Variants in ZMAT5 observed in about 807,000 individuals in gnomAD.
ZMAT5 encodes the protein zinc finger matrin-type 5.
ZMAT5 carries 23 observed loss-of-function variants against 28.0 expected under a neutral mutation model. The ratio of observed to expected loss-of-function variants is 0.82; its 90% confidence interval spans 0.59 to 1.16. The LOEUF (loss-of-function observed/expected upper bound fraction) is 1.16, where lower values mean the gene tolerates loss of function less well. Ranked by LOEUF, ZMAT5 falls within the 50% of genes most tolerant of loss-of-function variation. The pLI, the probability that ZMAT5 is intolerant of heterozygous loss-of-function variation, is 0.00. For synonymous variants in ZMAT5, 76 were observed against 84.1 expected (o/e 0.90, Z 0.52); for missense variants, 173 against 212.7 (o/e 0.81, Z 1.16).
chr22:29,755,307 A>C (rs1252179294), intron 1 of ZMAT5, among the ~76,000 whole-genome samples: 1 of 137,716 alleles, frequency 7.3e-6, no homozygotes, highest in Non-Finnish European at 1.6e-5. Context: ...AAGAAGAAAG[A>C]AAGAAAGAAA....
chr22:29,738,227 G>T, intron 5 of ZMAT5, 103 bp downstream of exon 5: 1 of 1,155,524 alleles, frequency 8.7e-7, no homozygotes, highest in Non-Finnish European at 1.3e-6. Flanking sequence ...TCGGCCCCTG[G>T]GCCTGGGCAG....
intron 1 of ZMAT5, 129 bp from the exon 2 acceptor site, chr22:29,748,700 T>G: frequency 8.1e-7 from 1 of 1,235,726 alleles, no homozygotes; most frequent in South Asian, 1.5e-5. Flanking sequence ...CCATTAGGAG[T>G]GTCAAGCTGA....
At chr22:29,740,032 C>T (rs1481736683) in intron 4 of ZMAT5, among the ~76,000 whole-genome samples, 2 of 152,342 alleles carry the variant, frequency 1.3e-5, no homozygotes, top group South Asian at 2.1e-4. Context: ...GGGGGGCTCA[C>T]GCGAGGCCTT....
chr22:29,736,520 G>T (rs2067905665), intron 5 of ZMAT5, among the ~76,000 whole-genome samples: 1 of 151,170 alleles, frequency 6.6e-6, no homozygotes, highest in South Asian at 2.1e-4. Flanking sequence ...AGGAGTTCGA[G>T]ACCAGCCTGG....
chr22:29,759,244 G>A (rs1166592920), intron 1 of ZMAT5, among the ~76,000 whole-genome samples: 1 of 152,162 alleles, frequency 6.6e-6, no homozygotes, highest in African/African-American at 2.4e-5. Flanking sequence ...CTTGGACTCA[G>A]AACTGTCTCT....
chr22:29,756,032 G>C (rs1443038220), intron 1 of ZMAT5, among the ~76,000 whole-genome samples: 2 of 152,260 alleles, frequency 1.3e-5, no homozygotes, highest in African/African-American at 4.8e-5. Context: ...CTCAGGTACA[G>C]AAAGAGCTGG....
At chr22:29,744,939 A>G (rs1204537373) in intron 2 of ZMAT5, among the ~76,000 whole-genome samples, 4 of 152,110 alleles carry the variant, frequency 2.6e-5, no homozygotes, top group Non-Finnish European at 5.9e-5. Flanking sequence ...ATCTGATCCT[A>G]TTGGTCCTTC....
chr22:29,747,217 G>A (rs140123), intron 2 of ZMAT5: 70,897 of 152,040 alleles, frequency 0.47, 16,878 homozygotes, highest in East Asian at 0.6. Context: ...AGCAAATGAC[G>A]AACTATGAAA....
At chr22:29,741,155 G>A (rs2067958949) in intron 3 of ZMAT5, among the ~76,000 whole-genome samples, 2 of 152,194 alleles carry the variant, frequency 1.3e-5, no homozygotes, top group Non-Finnish European at 2.9e-5. Context: ...CTGCCTACCT[G>A]GCTCACGGGA....
rs766708114 is a variant in ZMAT5, at chr22:29,748,483, C to A, written c.62G>T (p.Arg21Leu). Residue 21 changes from arginine (R) to leucine (L), a missense_variant, in exon 2 of 6, where the codon CGC (arginine) becomes CTC (leucine). Coordinates refer to ENST00000344318, the MANE Select transcript of ZMAT5 (RefSeq NM_001003692.2). ...DRSFQDNLHN[R>L]KKHLNGLQHL... is the part of the protein sequence containing the mutation. ...CTGCAGCCCGTTCAGGTGCTTCTTG[C>A]GGTTGTGGAGGTTGTCCTGGAAGGA... The A allele has an allele frequency of 5.0e-6, 8 of 1,614,122 alleles. No homozygotes were observed. The highest frequency in any genetic ancestry group is 6.8e-6 in the Non-Finnish European group (8 of 1,180,048).
At chr22:29,757,308 G>A (rs1466710722) in intron 1 of ZMAT5, among the ~76,000 whole-genome samples, 1 of 151,520 alleles carries the variant, frequency 6.6e-6, no homozygotes, top group African/African-American at 2.4e-5. Flanking sequence ...AACAGAGAGG[G>A]TGAGAGCATG....
At chr22:29,758,462 G>A (rs1234272726) in intron 1 of ZMAT5, among the ~76,000 whole-genome samples, 1 of 151,824 alleles carries the variant, frequency 6.6e-6, no homozygotes, top group Non-Finnish European at 1.5e-5. Flanking sequence ...CAAACAGTTT[G>A]TTTTTTTTAA....
chr22:29,733,475 C>A (rs1051606539), intron 5 of ZMAT5, among the ~76,000 whole-genome samples: 3 of 152,224 alleles, frequency 2.0e-5, no homozygotes. Flanking sequence ...GCCTCCAGGA[C>A]CCCCAGGTGT....
intron 2 of ZMAT5, among the ~76,000 whole-genome samples, chr22:29,745,197 G>A (rs1311210149): frequency 6.6e-6 from 1 of 152,186 alleles, no homozygotes; most frequent in African/African-American, 2.4e-5. Context: ...CCCGTTCTAG[G>A]GGTCGGGGAG....
chr22:29,751,917 G>A (rs2068058482), intron 1 of ZMAT5, among the ~76,000 whole-genome samples: 1 of 151,950 alleles, frequency 6.6e-6, no homozygotes, highest in African/African-American at 2.4e-5. Context: ...AGTGAACTGA[G>A]ACTGAGCCAT....
chr22:29,751,548 G>A (rs1034036266), intron 1 of ZMAT5, among the ~76,000 whole-genome samples: 1 of 152,182 alleles, frequency 6.6e-6, no homozygotes, highest in African/African-American at 2.4e-5. Context: ...CAACCTGTGG[G>A]GGAGGGCCTG....
rs146967964 is a variant in ZMAT5 at position 29,745,960 on chromosome 22, T to C, written c.127+2458A>G. On this transcript the variant is annotated intron_variant, in intron 2 of 5. Coordinates refer to ENST00000344318, the MANE Select transcript of ZMAT5 (RefSeq NM_001003692.2). The stretch of plus-strand genomic sequence containing the variant: ...CCCAAGGTGAGGGAACCCACTGCCC[T>C]GGATTTTATTTCATTTATTTATTTT... Among the ~76,000 whole-genome samples the C allele has an allele frequency of 2.9e-3, 448 of 152,272 alleles. 2 individuals are homozygous for C. Among genetic ancestry groups the C allele is most frequent in the African/African-American group, 0.01 (428 of 41,566 alleles).
intron 3 of ZMAT5, among the ~76,000 whole-genome samples, chr22:29,741,856 G>A (rs982715580): frequency 2.0e-5 from 3 of 152,122 alleles, no homozygotes; most frequent in Non-Finnish European, 4.4e-5. Context: ...GTCTCGCTAT[G>A]TTGCCCAGGC....
intron 1 of ZMAT5, among the ~76,000 whole-genome samples, chr22:29,758,433 T>C (rs148677154): frequency 9.8e-4 from 149 of 152,284 alleles, no homozygotes; most frequent in South Asian, 4.1e-3. Flanking sequence ...CTGAGCAACA[T>C]AGTAAGACCC....
Sources: allele counts gnomAD v4.1 joint callset (sites outside exome capture counted in the v4.1 genomes callset), GRCh38; gene constraint gnomAD v4.1.1; transcripts MANE v1.5; gene names NCBI Gene and HGNC (gene_info 2026-07-23, HGNC 2026-07-21).